The following ZNF521 variants were observed in gnomAD, a reference collection of about 807,000 sequenced individuals.
ZNF521 encodes zinc finger protein 521.
A neutral mutation model predicts 105.5 loss-of-function variants in ZNF521; 14 were observed. The observed-to-expected ratio is 0.13, with a 90% CI of 0.09 to 0.21. ZNF521 has a LOEUF of 0.21. Ranked by LOEUF, ZNF521 falls within the 10% of genes least tolerant of loss-of-function variation. The pLI is 1.00. For synonymous variants in ZNF521, 635 were observed against 606.0 expected (o/e 1.05, Z -0.70); for missense variants, 1,233 against 1,629.7 (o/e 0.76, Z 4.19).
rs183051046 is a variant in ZNF521, at chr18:25,208,560, C to T, written c.3574-13316G>A. ...TTTTCCTTCCCTCCCTCCCTTAAAC[C>T]CACTTTTCTTTTTTTCCTTTTTTCT... On this transcript the variant is annotated intron_variant, in intron 4 of 7. Coordinates refer to ENST00000361524, the MANE Select transcript of ZNF521 (RefSeq NM_015461.3). Among the ~76,000 whole-genome samples, 103 of 151,986 alleles carry T rather than the reference C, an allele frequency of 6.8e-4. 2 individuals carry two copies. The highest frequency in any genetic ancestry group is 2.2e-3 in the Admixed American group (34 of 15,268).
intron 7 of ZNF521, among the ~76,000 whole-genome samples, chr18:25,070,420 A>G (rs72878186): frequency 0.13 from 19,853 of 152,138 alleles, 1,517 homozygotes; most frequent in Middle Eastern, 0.18. Context: ...CCATGTACCT[A>G]TAGTATAAAA....
Position 25,062,464 on chromosome 18 carries a change from C to T in ZNF521, c.*248G>A, listed in dbSNP as rs2032920882. 4.4e-6 allele frequency: 2 copies of T among 450,430 alleles called. No individual in the cohort carries two copies. Among genetic ancestry groups the T allele is most frequent in the African/African-American group, 2.1e-5 (1 of 48,362 alleles). 27.9% of individuals were successfully genotyped at this position (450,430 alleles called of 1,614,324 possible). A position where few individuals can be genotyped will look rare whatever the true frequency, so the allele number is the denominator to read the frequency against. On this transcript the variant is annotated 3_prime_UTR_variant, in exon 8 of 8. Transcript: ENST00000361524. ...CTTGCCTGAATAGGGCCCAAGTCCA[C>T]TTGTCTTTATAAGACCATTTTAGTA...
chr18:25,074,420 T>C (rs1045783282), intron 7 of ZNF521, among the ~76,000 whole-genome samples: 1 of 152,216 alleles, frequency 6.6e-6, no homozygotes, highest in Non-Finnish European at 1.5e-5. Context: ...GGTGCTTTTT[T>C]CTTTTTGCCT....
Position 25,129,285 on chromosome 18 carries a change from AT to A in ZNF521, c.3659-37205del, listed in dbSNP as rs1233510766. Among the ~76,000 whole-genome samples the A allele has an allele frequency of 6.7e-3, 947 of 141,506 alleles. 11 individuals are homozygous for A. Among genetic ancestry groups the A allele is most frequent in the African/African-American group, 0.023 (908 of 40,044 alleles). The allele number at this position is 141,506 out of a possible 152,430, so 92.8% of individuals were successfully genotyped here. A position where few individuals can be genotyped will look rare whatever the true frequency, so the allele number is the denominator to read the frequency against. ...ATAATAATTATTATTATTATTATTAATTAATCTGTGTCTAGATTTCTAGACA... is the reference window on the plus strand; with the variant it reads ...ATAATAATTATTATTATTATTATTAATAATCTGTGTCTAGATTTCTAGACA... On this transcript the variant is annotated intron_variant, in intron 5 of 7. Coordinates refer to ENST00000361524, the MANE Select transcript of ZNF521 (RefSeq NM_015461.3).
intron 3 of ZNF521, among the ~76,000 whole-genome samples, chr18:25,232,986 C>T (rs1359819609): frequency 1.2e-4 from 18 of 152,132 alleles, no homozygotes; most frequent in Non-Finnish European, 7.4e-5. Context: ...GACACTTTAA[C>T]ATAAGCTGAA....
chr18:25,233,278 C>A (rs532980815), intron 3 of ZNF521, among the ~76,000 whole-genome samples: 1 of 152,104 alleles, frequency 6.6e-6, no homozygotes, highest in South Asian at 2.1e-4. Flanking sequence ...TCCCTTCATT[C>A]TCCATAGAAA....
At chr18:25,327,559 G>T in intron 2 of ZNF521, 2 of 693,616 alleles carry the variant, frequency 2.9e-6, no homozygotes, top group East Asian at 5.4e-5. Flanking sequence ...TACTTTTTAA[G>T]AACAGAGAAA....
chr18:25,120,418 A>G (rs999865231), intron 5 of ZNF521, among the ~76,000 whole-genome samples: 1 of 152,160 alleles, frequency 6.6e-6, no homozygotes, highest in African/African-American at 2.4e-5. Context: ...CCCCATCTCT[A>G]CTAAAAATAC....
Position 25,094,713 on chromosome 18 carries a change from T to C in ZNF521, c.3659-2632A>G, listed in dbSNP as rs943420187. ...ATATGAATTGTTACACAGCACATTATAAGATGAGCAAAAGCCAATAAGCTC... is the reference window on the plus strand; with the variant it reads ...ATATGAATTGTTACACAGCACATTACAAGATGAGCAAAAGCCAATAAGCTC... On this transcript the variant is annotated intron_variant, in intron 5 of 7. Transcript: ENST00000361524. 4.6e-5 allele frequency among the ~76,000 whole-genome samples: 7 copies of C among 152,166 alleles called. No individual in the cohort carries two copies. In the South Asian group the frequency reaches 6.2e-4, roughly 14 times the overall value.
rs777596991 is a variant in ZNF521, at chr18:25,226,847, C to T, written c.1071G>A (p.Thr357=). ...VTVGYTSVSS[T]TPDSNLSVDS... is the part of the protein sequence containing the mutation. Reference sequence around the variant, plus strand: ...CCACTGAGAGGTTGGAATCTGGAGTCGTACTGGACACGGAGGTATAGCCCA... The same window carrying T: ...CCACTGAGAGGTTGGAATCTGGAGTTGTACTGGACACGGAGGTATAGCCCA... Residue 357 remains threonine (T), a synonymous_variant, in exon 4 of 8, where the codon ACG becomes ACA. Coordinates refer to ENST00000361524, the MANE Select transcript of ZNF521 (RefSeq NM_015461.3). The surrounding 1 kb of genome is among the most constrained non-coding windows in gnomAD (Gnocchi z 4.1). 179 of 1,613,768 alleles carry T rather than the reference C, an allele frequency of 1.1e-4. 1 individual carries two copies. Among genetic ancestry groups the T allele is most frequent in the Non-Finnish European group, 1.4e-4 (165 of 1,179,980 alleles).
intron 5 of ZNF521, among the ~76,000 whole-genome samples, chr18:25,149,795 C>T (rs2035012378): frequency 6.6e-6 from 1 of 152,138 alleles, no homozygotes; most frequent in Non-Finnish European, 1.5e-5. Flanking sequence ...CTCATAGAGT[C>T]CATAATGAAA....
chr18:25,224,654 C>T lies in ZNF521; in HGVS notation c.3264G>A (p.Leu1088=). Residue 1088 remains leucine (L), a synonymous_variant, in exon 4 of 8, where the codon CTG becomes CTA. Transcript: ENST00000361524. ...QDLVKLDING[L]PYGLCAGCVN... is the part of the protein sequence containing the mutation. Reference sequence around the variant, plus strand: ...CGCAGCCGGCACACAGACCATATGGCAGGCCATTGATATCAAGTTTCACCA... The same window carrying T: ...CGCAGCCGGCACACAGACCATATGGTAGGCCATTGATATCAAGTTTCACCA... 1 of 1,614,142 alleles carries T rather than the reference C, an allele frequency of 6.2e-7. No individual in the cohort carries two copies. Among genetic ancestry groups the T allele is most frequent in the South Asian group, 1.1e-5 (1 of 91,086 alleles).
chr18:25,206,170 AT>A, intron 4 of ZNF521, among the ~76,000 whole-genome samples: 1 of 150,960 alleles, frequency 6.6e-6, no homozygotes, highest in Admixed American at 6.6e-5. Context: ...CGCCCAGCTA[AT>A]TTTTTTTTGT....
intron 3 of ZNF521, among the ~76,000 whole-genome samples, chr18:25,296,845 T>C (rs907430458): frequency 1.3e-5 from 2 of 152,148 alleles, no homozygotes; most frequent in Non-Finnish European, 2.9e-5. Flanking sequence ...CACTAGACAA[T>C]ATGCTCCTAA....
intron 5 of ZNF521, among the ~76,000 whole-genome samples, chr18:25,149,457 G>A (rs1416569066): frequency 6.6e-6 from 1 of 152,128 alleles, no homozygotes; most frequent in Non-Finnish European, 1.5e-5. Flanking sequence ...AACTATCATA[G>A]ATATCTGTGC....
intron 3 of ZNF521, among the ~76,000 whole-genome samples, chr18:25,275,618 C>G (rs1414777964): frequency 1.3e-5 from 2 of 152,208 alleles, no homozygotes; most frequent in Non-Finnish European, 2.9e-5. Context: ...TGATGACAAG[C>G]TACTACATTT....
chr18:25,123,164 C>T (rs777408225), intron 5 of ZNF521, among the ~76,000 whole-genome samples: 5 of 151,312 alleles, frequency 3.3e-5, no homozygotes, highest in Admixed American at 6.6e-5. Flanking sequence ...TTTGTAAGTA[C>T]AGATAATTAT....
At chr18:25,135,644 CAG>C (rs2034720528) in intron 5 of ZNF521, among the ~76,000 whole-genome samples, 1 of 152,248 alleles carries the variant, frequency 6.6e-6, no homozygotes, top group Admixed American at 6.5e-5. Context: ...CTAATTTTAA[CAG>C]AGTGTGTGTG....
chr18:25,198,844 T>C (rs2035944299), intron 4 of ZNF521, among the ~76,000 whole-genome samples: 1 of 151,930 alleles, frequency 6.6e-6, no homozygotes, highest in African/African-American at 2.4e-5. Context: ...AGGATAATCA[T>C]TAATGGATGC....
Sources: allele counts gnomAD v4.1 joint callset (sites outside exome capture counted in the v4.1 genomes callset), GRCh38; gene constraint gnomAD v4.1.1; non-coding constraint Gnocchi (gnomAD v3.1); transcripts MANE v1.5; gene names NCBI Gene and HGNC (gene_info 2026-07-23, HGNC 2026-07-21).